The following MRRF variants were observed in gnomAD, a reference collection of about 807,000 sequenced individuals.
MRRF encodes mitochondrial ribosome recycling factor, also known as ribosome-recycling factor, mitochondrial.
In MRRF, 18 loss-of-function variants were observed where a neutral mutation model predicts 25.1. The ratio of observed to expected loss-of-function variants is 0.72; its 90% confidence interval spans 0.50 to 1.06. MRRF has a LOEUF of 1.06. MRRF is among the 50% of genes least tolerant of loss of function. The pLI, the probability that MRRF is intolerant of heterozygous loss-of-function variation, is 0.00. For missense variants in MRRF, 323 were observed against 319.3 expected, an observed-to-expected ratio of 1.01 and a Z score of -0.09; for synonymous variants, 113 against 112.1, an observed-to-expected ratio of 1.01 and a Z score of -0.05.
intron 6 of MRRF, among the ~76,000 whole-genome samples, chr9:122,322,059 T>A (rs541144929): frequency 6.6e-6 from 1 of 151,960 alleles, no homozygotes; most frequent in Non-Finnish European, 1.5e-5. Flanking sequence ...CTGTTAGGAG[T>A]TAAAAAGAAT....
At position 122,324,587 on chromosome 9, in the gene MRRF, A is replaced by G. The variant is rs1301639804; in HGVS notation, c.*1970A>G. The G allele has an allele frequency of 6.6e-6, 1 of 152,212 alleles. No homozygotes were observed. Among genetic ancestry groups the G allele is most frequent in the Non-Finnish European group, 1.5e-5 (1 of 68,038 alleles). 9.4% of individuals were successfully genotyped at this position (152,212 alleles called of 1,614,324 possible). A position where few individuals can be genotyped will look rare whatever the true frequency, so the allele number is the denominator to read the frequency against. On this transcript the variant is annotated 3_prime_UTR_variant, in exon 7 of 7. Coordinates refer to ENST00000344641, the MANE Select transcript of MRRF (RefSeq NM_138777.5). ...GCACTGAACTAAATTGCTGTCTATA[A>G]TAATCTATTGGGTGGAAAAGTAGGA...
rs144568983 is a variant in MRRF at position 122,281,184 on chromosome 9, G to A, written c.340+586G>A. On this transcript the variant is annotated intron_variant, in intron 3 of 6. Coordinates refer to ENST00000344641, the MANE Select transcript of MRRF (RefSeq NM_138777.5). ...CTTCCTGAAAGTGGCTTTTCTAAGTGGGAAATGTCAGAACTGTCTAGGCCA... is the reference window on the plus strand; with the variant it reads ...CTTCCTGAAAGTGGCTTTTCTAAGTAGGAAATGTCAGAACTGTCTAGGCCA... Among the ~76,000 whole-genome samples the A allele has an allele frequency of 4.1e-3, 627 of 152,284 alleles. 3 individuals are homozygous for A. The highest frequency in any genetic ancestry group is 0.014 in the African/African-American group (588 of 41,550).
At chr9:122,292,547 A>G (rs1833842418) in intron 5 of MRRF, among the ~76,000 whole-genome samples, 1 of 152,190 alleles carries the variant, frequency 6.6e-6, no homozygotes. Context: ...AGAAAGAAAA[A>G]AGCCAGTGTG....
At chr9:122,273,729 A>G (rs753282277) in intron 2 of MRRF, among the ~76,000 whole-genome samples, 1 of 152,230 alleles carries the variant, frequency 6.6e-6, no homozygotes, top group Non-Finnish European at 1.5e-5. Flanking sequence ...CTGTAAGGAT[A>G]GATAACCCAC....
intron 5 of MRRF, among the ~76,000 whole-genome samples, chr9:122,301,031 A>G (rs1307893016): frequency 2.0e-5 from 3 of 152,182 alleles, no homozygotes; most frequent in Non-Finnish European, 4.4e-5. Flanking sequence ...GATAATTGCT[A>G]TCGTCATTTT....
chr9:122,295,552 T>G (rs1834034109), intron 5 of MRRF, among the ~76,000 whole-genome samples: 1 of 151,808 alleles, frequency 6.6e-6, no homozygotes, highest in African/African-American at 2.4e-5. Context: ...TTCAAGCAAT[T>G]CTCCTGCCTC....
In MRRF at chr9:122,325,810, G is replaced by GTA. The variant is rs1836122471; in HGVS notation, c.*3194_*3195insAT. Reference sequence around the variant, plus strand: ...TCTCTGTGCATATATGTGTGTGTGTGTGTGTGTGTTCGTTTCATTTTGTTT... The same window carrying GTA: ...TCTCTGTGCATATATGTGTGTGTGTGTATGTGTGTGTTCGTTTCATTTTGTTT... On this transcript the variant is annotated 3_prime_UTR_variant, in exon 7 of 7. Transcript: ENST00000344641. The GTA allele has an allele frequency of 6.6e-6, 1 of 151,962 alleles. No homozygotes were observed. The highest frequency in any genetic ancestry group is 2.4e-5 in the African/African-American group (1 of 41,308). 9.4% of individuals were successfully genotyped at this position (151,962 alleles called of 1,614,324 possible).
intron 3 of MRRF, among the ~76,000 whole-genome samples, chr9:122,283,233 A>G (rs1833188670): frequency 6.6e-6 from 1 of 151,622 alleles, no homozygotes; most frequent in Non-Finnish European, 1.5e-5. Context: ...AGCTGGGATT[A>G]TAGGTGCCCA....
rs1256148767 is a variant in MRRF, at chr9:122,319,149, T to TTC, written c.712-3390_712-3389insCT. Among the ~76,000 whole-genome samples, 854 of 135,052 alleles carry TTC rather than the reference T, an allele frequency of 6.3e-3. 2 individuals carry two copies. Among genetic ancestry groups the TTC allele is most frequent in the African/African-American group, 0.024 (798 of 33,352 alleles). The allele number at this position is 135,052 out of a possible 152,430, so 88.6% of individuals were successfully genotyped here. A position where few individuals can be genotyped will look rare whatever the true frequency, so the allele number is the denominator to read the frequency against. ...CCACTGAACTTCTTTCTTTCTTTCT[T>TTC]TTTTTTTTTTTTTTTTTTTGAGACA... is the stretch of plus-strand genomic sequence containing the variant. On this transcript the variant is annotated intron_variant, in intron 6 of 6. Transcript: ENST00000344641.
chr9:122,304,062 AACACACAC>A (rs66775611), intron 5 of MRRF, among the ~76,000 whole-genome samples: 23 of 139,882 alleles, frequency 1.6e-4, no homozygotes, highest in East Asian at 8.4e-4. Flanking sequence ...ACCCTTTTCT[AACACACAC>A]ACACACACAC....
At chr9:122,311,917 T>C (rs1309344499) in intron 5 of MRRF, among the ~76,000 whole-genome samples, 1 of 152,218 alleles carries the variant, frequency 6.6e-6, no homozygotes, top group Non-Finnish European at 1.5e-5. Context: ...GACATATGCT[T>C]TGGCAGAACA....
At chr9:122,309,314 T>C (rs1835064600) in intron 5 of MRRF, among the ~76,000 whole-genome samples, 1 of 152,240 alleles carries the variant, frequency 6.6e-6, no homozygotes, top group African/African-American at 2.4e-5. Context: ...GTGGATCTAC[T>C]AAGACCTACT....
intron 2 of MRRF, among the ~76,000 whole-genome samples, chr9:122,277,799 G>T (rs139812614): frequency 6.6e-6 from 1 of 152,282 alleles, no homozygotes; most frequent in African/African-American, 2.4e-5. Context: ...TGATCCGCCC[G>T]CCTTGGCTTG....
chr9:122,309,567 AG>A (rs1835078652), intron 5 of MRRF, among the ~76,000 whole-genome samples: 1 of 152,216 alleles, frequency 6.6e-6, no homozygotes, highest in African/African-American at 2.4e-5. Flanking sequence ...CCACAAAGAA[AG>A]GTTGGTCAGA....
Position 122,327,083 on chromosome 9 carries a change from C to T in MRRF, c.*4466C>T, listed in dbSNP as rs893211434. The T allele has an allele frequency of 2.0e-5, 3 of 152,154 alleles. No individual in the cohort carries two copies. The highest frequency in any genetic ancestry group is 1.9e-4 in the East Asian group (1 of 5,200). The allele number at this position is 152,154 out of a possible 1,614,324, so 9.4% of individuals were successfully genotyped here. On this transcript the variant is annotated 3_prime_UTR_variant, in exon 7 of 7. Coordinates refer to ENST00000344641, the MANE Select transcript of MRRF (RefSeq NM_138777.5). ...TTCATAAAACACATAGCAAGCTGTT[C>T]CTAATTAATGACTGCAAGTAAAATA...
intron 5 of MRRF, among the ~76,000 whole-genome samples, chr9:122,309,463 C>T (rs1212971768): frequency 6.6e-6 from 1 of 152,060 alleles, no homozygotes. Context: ...TATGCTATTC[C>T]CTGTGGTGAG....
In MRRF at chr9:122,288,969, C is replaced by G. The variant is rs114618230; in HGVS notation, c.460-2780C>G. On this transcript the variant is annotated intron_variant, in intron 4 of 6. Coordinates refer to ENST00000344641, the MANE Select transcript of MRRF (RefSeq NM_138777.5). ...CAACCTGTTTGCCCTGTGATACTGT[C>G]GAGCATCCTTTCCGTGAAGGGATGA... Among the ~76,000 whole-genome samples the G allele has an allele frequency of 3.0e-3, 462 of 152,220 alleles. 3 individuals are homozygous for G. Among genetic ancestry groups the G allele is most frequent in the African/African-American group, 0.01 (424 of 41,530 alleles).
intron 5 of MRRF, among the ~76,000 whole-genome samples, chr9:122,298,820 T>A (rs760934208): frequency 1.3e-5 from 2 of 152,138 alleles, no homozygotes; most frequent in Non-Finnish European, 2.9e-5. Flanking sequence ...CATATTTTTC[T>A]CTCTGTAGAG....
At chr9:122,266,845 GGGCGGATCACGA>G (rs1411981516) in intron 1 of MRRF, among the ~76,000 whole-genome samples, 1 of 152,200 alleles carries the variant, frequency 6.6e-6, no homozygotes, top group African/African-American at 2.4e-5. Context: ...AGGCCCAGGC[GGGCGGATCACGA>G]GGTCAGGGGG....
Sources: gnomAD v4.1 joint callset for allele counts (sites outside exome capture counted in the v4.1 genomes callset) on GRCh38, gnomAD v4.1.1 for gene constraint, MANE v1.5 for transcripts, NCBI Gene and HGNC (gene_info 2026-07-23, HGNC 2026-07-21) for gene names.